The following CERS3 variants were observed in gnomAD, a reference collection of about 807,000 sequenced individuals.
CERS3 encodes the protein ceramide synthase 3.
Under a neutral mutation model 50.3 loss-of-function variants are expected in CERS3, and 33 were observed. That is an observed-to-expected ratio of 0.66 (90% CI 0.50 to 0.88). The LOEUF (loss-of-function observed/expected upper bound fraction) is 0.88, where lower values mean the gene tolerates loss of function less well. Among genes scored for constraint, CERS3 ranks in the 40% least tolerant of loss-of-function variants. CERS3 has a pLI of 0.00. For synonymous variants in CERS3, 176 were observed against 155.2 expected, an observed-to-expected ratio of 1.13 and a Z score of -0.99; for missense variants, 470 against 460.3, an observed-to-expected ratio of 1.02 and a Z score of -0.19.
chr15:100,497,306 ATGTG>A lies in CERS3; in HGVS notation c.173+4367_173+4370del, dbSNP rs139734142. Among the ~76,000 whole-genome samples the A allele has an allele frequency of 3.7e-3, 543 of 145,936 alleles. 2 individuals carry two copies. The highest frequency in any genetic ancestry group is 0.015 in the South Asian group (69 of 4,530). Reference sequence around the variant, plus strand: ...ACACAGAGAGAGAGAGCATATATGTATGTGTGTGTGTGTGTGTGTGTGTGTGTGT... The same window carrying A: ...ACACAGAGAGAGAGAGCATATATGTATGTGTGTGTGTGTGTGTGTGTGTGT... On this transcript the variant is annotated intron_variant, in intron 3 of 11. Transcript: ENST00000679737.
chr15:100,505,968 G>T (rs894916055), intron 2 of CERS3, among the ~76,000 whole-genome samples: 1 of 152,194 alleles, frequency 6.6e-6, no homozygotes. Flanking sequence ...GAGCCAAAAT[G>T]GGGCCACTGC....
chr15:100,486,216 A>G (rs931817202), intron 4 of CERS3, among the ~76,000 whole-genome samples: 1 of 152,228 alleles, frequency 6.6e-6, no homozygotes, highest in Non-Finnish European at 1.5e-5. Flanking sequence ...TGAATACCCA[A>G]AAGTCTGTGA....
At chr15:100,411,285 C>G (rs765120196) in intron 11 of CERS3, among the ~76,000 whole-genome samples, 1 of 152,156 alleles carries the variant, frequency 6.6e-6, no homozygotes, top group African/African-American at 2.4e-5. Context: ...CCTCAGCCTC[C>G]CAAGTAGCTG....
chr15:100,411,055 G>A (rs1226745919), intron 11 of CERS3, among the ~76,000 whole-genome samples: 1 of 152,106 alleles, frequency 6.6e-6, no homozygotes, highest in East Asian at 1.9e-4. Context: ...TCATATAAGT[G>A]GAATCACACA....
intron 9 of CERS3, among the ~76,000 whole-genome samples, chr15:100,470,883 G>A (rs1197844874): frequency 6.6e-6 from 1 of 152,180 alleles, no homozygotes; most frequent in Non-Finnish European, 1.5e-5. Flanking sequence ...ATGACCCAGT[G>A]TCTTGAGAAA....
intron 9 of CERS3, among the ~76,000 whole-genome samples, chr15:100,472,227 G>A (rs1393384545): frequency 6.6e-6 from 1 of 152,198 alleles, no homozygotes; most frequent in African/African-American, 2.4e-5. Flanking sequence ...TCTGGGAACT[G>A]TTGCTCTAAA....
At chr15:100,490,290 G>C (rs2035612721) in intron 4 of CERS3, among the ~76,000 whole-genome samples, 1 of 152,128 alleles carries the variant, frequency 6.6e-6, no homozygotes, top group African/African-American at 2.4e-5. Flanking sequence ...GAAGAGAACT[G>C]TGACTCTTAG....
intron 7 of CERS3, among the ~76,000 whole-genome samples, chr15:100,478,549 AG>A (rs200373647): frequency 1.3e-5 from 2 of 148,848 alleles, no homozygotes; most frequent in African/African-American, 2.6e-5. Context: ...TTGTGTTATG[AG>A]GGGAACAGCC....
intron 1 of CERS3, among the ~76,000 whole-genome samples, chr15:100,528,512 G>A (rs986419021): frequency 2.0e-5 from 3 of 152,228 alleles, no homozygotes; most frequent in East Asian, 1.9e-4. Context: ...AAACTCGCCC[G>A]AGAGCAATGC....
At chr15:100,416,762 T>C (rs570318944) in intron 11 of CERS3, among the ~76,000 whole-genome samples, 5 of 152,146 alleles carry the variant, frequency 3.3e-5, no homozygotes, top group Non-Finnish European at 5.9e-5. Context: ...TCCCTCAACA[T>C]GTGGGGATTA....
intron 2 of CERS3, among the ~76,000 whole-genome samples, chr15:100,517,538 G>A (rs1482904101): frequency 6.6e-6 from 1 of 152,200 alleles, no homozygotes; most frequent in South Asian, 2.1e-4. Context: ...AAAAGAGTAG[G>A]ACCTTGATCA....
At chr15:100,496,521 G>A (rs2035819395) in intron 3 of CERS3, among the ~76,000 whole-genome samples, 1 of 152,174 alleles carries the variant, frequency 6.6e-6, no homozygotes. Context: ...CTGGTGGCTA[G>A]TGGGTAGCGA....
chr15:100,499,100 G>T (rs1431969932), intron 3 of CERS3, among the ~76,000 whole-genome samples: 1 of 152,064 alleles, frequency 6.6e-6, no homozygotes, highest in African/African-American at 2.4e-5. Context: ...ACCTTATGTT[G>T]CTGGGGTGGA....
At position 100,469,467 on chromosome 15, in the gene CERS3, A is replaced by C. The variant is rs768363478; in HGVS notation, c.756T>G (p.Ser252=). 2 of 1,613,578 alleles carry C rather than the reference A, an allele frequency of 1.2e-6. No individual in the cohort carries two copies. Among genetic ancestry groups the C allele is most frequent in the East Asian group, 2.2e-5 (1 of 44,902 alleles). ...TACAGGTCTGCGTCCATCCAGCATA[A>C]GAAAACATCTTAGCAGACTGCAAAA... ...DIWLESAKMF[S]YAGWTQTCNT... is the part of the protein sequence containing the mutation. The change falls in exon 10 of 12, where the codon TCT becomes TCG. Residue 252 remains serine, a synonymous_variant. Transcript: ENST00000679737.
At chr15:100,532,477 A>T (rs1007177613), upstream of CERS3, among the ~76,000 whole-genome samples, 1 of 152,132 alleles carries the variant, frequency 6.6e-6, no homozygotes, top group African/African-American at 2.4e-5. Flanking sequence ...TCAAAATGCT[A>T]CCAAACTGCC....
chr15:100,442,550 G>A (rs1015114702), intron 11 of CERS3, among the ~76,000 whole-genome samples: 3 of 152,172 alleles, frequency 2.0e-5, no homozygotes, highest in Non-Finnish European at 4.4e-5. Flanking sequence ...GCCTCCCCCA[G>A]GAGCTTGCTA....
At chr15:100,483,787 A>ATTATTTTATTTT (rs760594142) in intron 5 of CERS3, among the ~76,000 whole-genome samples, 1 of 100,040 alleles carries the variant, frequency 1.0e-5, no homozygotes, top group African/African-American at 3.8e-5. Flanking sequence ...TATTATTATT[A>ATTATTTTATTTT]TTTTTTTTTT....
intron 3 of CERS3, among the ~76,000 whole-genome samples, chr15:100,492,817 G>T (rs936874705): frequency 1.3e-5 from 2 of 151,860 alleles, no homozygotes; most frequent in African/African-American, 4.8e-5. Flanking sequence ...ATTTTCTGAT[G>T]GACCATTTTA....
At chr15:100,496,203 G>A (rs1011888706) in intron 3 of CERS3, among the ~76,000 whole-genome samples, 1 of 152,132 alleles carries the variant, frequency 6.6e-6, no homozygotes, top group Non-Finnish European at 1.5e-5. Context: ...AGAAATAAAA[G>A]CATATATCTG....
Sources: allele counts gnomAD v4.1 joint callset (sites outside exome capture counted in the v4.1 genomes callset), GRCh38; gene constraint gnomAD v4.1.1; transcripts MANE v1.5; gene names NCBI Gene and HGNC (gene_info 2026-07-23, HGNC 2026-07-21).